The following NCKAP5 variants were observed in gnomAD, a reference collection of about 807,000 sequenced individuals.
NCKAP5 encodes the protein NCK associated protein 5.
NCKAP5 carries 92 observed loss-of-function variants against 167.0 expected under a neutral mutation model. That is an observed-to-expected ratio of 0.55 (90% CI 0.47 to 0.66). The LOEUF (loss-of-function observed/expected upper bound fraction) is 0.66. NCKAP5 is among the 30% of genes least tolerant of loss of function. The pLI is 0.00. For missense variants in NCKAP5, 2,378 were observed against 2,315.0 expected (o/e 1.03, Z -0.56); for synonymous variants, 891 against 877.4 (o/e 1.02, Z -0.27).
intron 7 of NCKAP5, among the ~76,000 whole-genome samples, chr2:132,967,048 C>T (rs558751174): frequency 2.0e-5 from 3 of 152,162 alleles, no homozygotes; most frequent in East Asian, 1.9e-4. Flanking sequence ...TGTATGTTCA[C>T]GAATGACCAC....
At chr2:133,095,241 A>T (rs896811677) in intron 6 of NCKAP5, among the ~76,000 whole-genome samples, 14 of 152,224 alleles carry the variant, frequency 9.2e-5, no homozygotes, top group African/African-American at 3.4e-4. Context: ...AGTCTTAGGA[A>T]TCTATGTGAA....
chr2:132,727,049 C>T (rs1432211734), intron 18 of NCKAP5, among the ~76,000 whole-genome samples: 1 of 152,188 alleles, frequency 6.6e-6, no homozygotes, highest in East Asian at 1.9e-4. Flanking sequence ...CTGCTTGAAA[C>T]GTTCCCTATC....
At chr2:133,082,199 G>A (rs1452147830) in intron 6 of NCKAP5, among the ~76,000 whole-genome samples, 1 of 151,926 alleles carries the variant, frequency 6.6e-6, no homozygotes, top group African/African-American at 2.4e-5. Context: ...TTTAAATGAA[G>A]GGTACATTAA....
chr2:133,616,405 C>A, the NCKAP5 span, among the ~76,000 whole-genome samples: 2 of 151,638 alleles, frequency 1.3e-5, no homozygotes, highest in African/African-American at 4.9e-5. Flanking sequence ...AGACTGCTAG[C>A]AAGACTAATA....
At chr2:133,240,555 T>C (rs1157024516) in intron 4 of NCKAP5, among the ~76,000 whole-genome samples, 1 of 152,246 alleles carries the variant, frequency 6.6e-6, no homozygotes, top group Non-Finnish European at 1.5e-5. Context: ...GGATGCTTAT[T>C]CAGTGAGTCT....
intron 4 of NCKAP5, among the ~76,000 whole-genome samples, chr2:133,228,783 C>T (rs2087009977): frequency 6.6e-6 from 1 of 152,098 alleles, no homozygotes; most frequent in South Asian, 2.1e-4. Flanking sequence ...AAGACACAGA[C>T]CCTTTTAAAA....
chr2:133,549,726 G>A (rs1323989998), intron 2 of NCKAP5, among the ~76,000 whole-genome samples: 31 of 140,382 alleles, frequency 2.2e-4, no homozygotes, highest in African/African-American at 2.6e-4. Context: ...GCTAGCAGAA[G>A]GCAAGAAATA....
chr2:133,605,305 A>T, the NCKAP5 span, among the ~76,000 whole-genome samples: 1 of 152,108 alleles, frequency 6.6e-6, no homozygotes, highest in Non-Finnish European at 1.5e-5. Context: ...ATTAAGTGTG[A>T]AAATCCTTGA....
chr2:133,103,777 CTCAG>C (rs1401678642), intron 6 of NCKAP5, among the ~76,000 whole-genome samples: 1 of 152,184 alleles, frequency 6.6e-6, no homozygotes. Flanking sequence ...GAGGTGCTGT[CTCAG>C]TCAGTCAATC....
At chr2:132,950,777 T>C (rs1410477586) in intron 8 of NCKAP5, among the ~76,000 whole-genome samples, 2 of 152,130 alleles carry the variant, frequency 1.3e-5, no homozygotes, top group African/African-American at 2.4e-5. Context: ...TCCCCCAAGC[T>C]ACTACACTGT....
intron 3 of NCKAP5, among the ~76,000 whole-genome samples, chr2:133,308,780 C>G (rs1210329454): frequency 7.4e-6 from 1 of 135,818 alleles, no homozygotes; most frequent in African/African-American, 2.8e-5. Flanking sequence ...GCAATCTCGG[C>G]TCACTGCAAG....
rs1683840537 is a variant in NCKAP5, at chr2:132,672,245, AAATC to A, written c.*1040_*1043del. On this transcript the variant is annotated 3_prime_UTR_variant, in exon 20 of 20. Transcript: ENST00000409261. Reference sequence around the variant, plus strand: ...TTTAATAAAAAGAGCAAGAAGATAAAAATCAAATAATATTCAGGATCATAGAGAA... The same window carrying A: ...TTTAATAAAAAGAGCAAGAAGATAAAAAATAATATTCAGGATCATAGAGAA... The A allele has an allele frequency of 6.6e-6, 1 of 152,646 alleles. No individual in the cohort carries two copies. Among genetic ancestry groups the A allele is most frequent in the Non-Finnish European group, 1.5e-5 (1 of 68,048 alleles). 9.5% of individuals were successfully genotyped at this position (152,646 alleles called of 1,614,324 possible).
chr2:133,266,707 C>G (rs1005603759), intron 4 of NCKAP5, among the ~76,000 whole-genome samples: 3 of 152,208 alleles, frequency 2.0e-5, no homozygotes, highest in Non-Finnish European at 2.9e-5. Flanking sequence ...GCACCTCGCG[C>G]TCCTCCGCTT....
the NCKAP5 span, among the ~76,000 whole-genome samples, chr2:133,654,826 G>A: frequency 4.2e-3 from 643 of 152,236 alleles, 9 homozygotes; most frequent in African/African-American, 0.015. Context: ...TCTTTACATC[G>A]AAGAGCTTCC....
chr2:133,368,016 G>A (rs185314060), intron 3 of NCKAP5, among the ~76,000 whole-genome samples: 13 of 152,274 alleles, frequency 8.5e-5, no homozygotes, highest in Admixed American at 6.5e-4. Flanking sequence ...AGTCAGACAC[G>A]TGGATGCTCA....
chr2:133,328,238 G>C (rs1161569593), intron 3 of NCKAP5, among the ~76,000 whole-genome samples: 2 of 152,310 alleles, frequency 1.3e-5, no homozygotes, highest in East Asian at 3.9e-4. Flanking sequence ...TGCAAATCCT[G>C]TTCTCAGTCC....
At chr2:132,769,316 C>T (rs988797833) in intron 16 of NCKAP5, among the ~76,000 whole-genome samples, 2 of 152,138 alleles carry the variant, frequency 1.3e-5, no homozygotes, top group Non-Finnish European at 2.9e-5. Context: ...TTACCCTTAA[C>T]CACAGAAATG....
intron 5 of NCKAP5, among the ~76,000 whole-genome samples, chr2:133,191,988 G>T (rs2150082972): frequency 6.6e-6 from 1 of 152,020 alleles, no homozygotes; most frequent in Non-Finnish European, 1.5e-5. Flanking sequence ...GAAAGGCAAA[G>T]CTAAAACTAA....
chr2:133,634,219 A>T, the NCKAP5 span, among the ~76,000 whole-genome samples: 3 of 152,166 alleles, frequency 2.0e-5, no homozygotes, highest in Non-Finnish European at 4.4e-5. Flanking sequence ...CCGGGGCGCT[A>T]ACTAAGGTGG....
Sources: gnomAD v4.1 joint callset for allele counts (sites outside exome capture counted in the v4.1 genomes callset) on GRCh38, gnomAD v4.1.1 for gene constraint, MANE v1.5 for transcripts, NCBI Gene and HGNC (gene_info 2026-07-23, HGNC 2026-07-21) for gene names.